Variants in TBC1D22A observed in about 807,000 individuals in gnomAD.
TBC1D22A encodes putative GTPase activator.
Under a neutral mutation model 60.2 loss-of-function variants are expected in TBC1D22A, and 38 were observed. The observed-to-expected ratio is 0.63, with a 90% CI of 0.49 to 0.83. The LOEUF (loss-of-function observed/expected upper bound fraction) is 0.83, where lower values mean the gene tolerates loss of function less well. Among genes scored for constraint, TBC1D22A ranks in the 40% least tolerant of loss-of-function variants. TBC1D22A has a pLI of 0.00. For synonymous variants in TBC1D22A, 302 were observed against 281.7 expected, an observed-to-expected ratio of 1.07 and a Z score of -0.72; for missense variants, 628 against 701.0, an observed-to-expected ratio of 0.90 and a Z score of 1.18.
intron 12 of TBC1D22A, among the ~76,000 whole-genome samples, chr22:47,148,485 C>T (rs1309974918): frequency 6.6e-6 from 1 of 152,026 alleles, no homozygotes; most frequent in Non-Finnish European, 1.5e-5. Flanking sequence ...CACTCGGAAT[C>T]GCTTGAGACC....
At chr22:46,786,605 T>A (rs940356113) in intron 1 of TBC1D22A, among the ~76,000 whole-genome samples, 1 of 152,258 alleles carries the variant, frequency 6.6e-6, no homozygotes, top group Non-Finnish European at 1.5e-5. Flanking sequence ...CTTTATCTAT[T>A]TGGTAGAATT....
intron 4 of TBC1D22A, among the ~76,000 whole-genome samples, chr22:46,832,304 A>C (rs1285361678): frequency 6.6e-6 from 1 of 152,124 alleles, no homozygotes; most frequent in African/African-American, 2.4e-5. Context: ...GCCCTTCTTA[A>C]TTGTGTCCCA....
chr22:46,820,142 G>T (rs1013881899), intron 4 of TBC1D22A, among the ~76,000 whole-genome samples: 24 of 151,700 alleles, frequency 1.6e-4, no homozygotes, highest in African/African-American at 5.3e-4. Context: ...TTCTTTATTA[G>T]TCCAGCTAGC....
At chr22:46,806,362 C>T (rs557470666) in intron 4 of TBC1D22A, among the ~76,000 whole-genome samples, 26 of 142,762 alleles carry the variant, frequency 1.8e-4, no homozygotes, top group South Asian at 2.2e-4. Flanking sequence ...TTTTTTTGCC[C>T]GGAAATGGAG....
At chr22:46,939,644 T>C (rs1302957431) in intron 8 of TBC1D22A, among the ~76,000 whole-genome samples, 1 of 152,190 alleles carries the variant, frequency 6.6e-6, no homozygotes, top group Non-Finnish European at 1.5e-5. Flanking sequence ...AGGAAAATCT[T>C]CTCCCATTTT....
intron 8 of TBC1D22A, among the ~76,000 whole-genome samples, chr22:46,923,598 T>G (rs957769866): frequency 6.6e-6 from 1 of 152,256 alleles, no homozygotes; most frequent in Admixed American, 6.5e-5. Flanking sequence ...TGAGCCAGGG[T>G]GCGGGGCACT....
At chr22:46,977,905 G>A (rs992185558) in intron 9 of TBC1D22A, among the ~76,000 whole-genome samples, 2 of 152,212 alleles carry the variant, frequency 1.3e-5, no homozygotes, top group Admixed American at 6.5e-5. Flanking sequence ...GCCAGGCCAC[G>A]CCTCCAGCAC....
intron 8 of TBC1D22A, among the ~76,000 whole-genome samples, chr22:46,950,916 T>G (rs976448479): frequency 1.3e-5 from 2 of 152,202 alleles, no homozygotes; most frequent in Non-Finnish European, 2.9e-5. Context: ...GAGAAGTTCC[T>G]TATAAATAAT....
At chr22:46,956,570 G>A (rs1255801012) in intron 8 of TBC1D22A, among the ~76,000 whole-genome samples, 8 of 152,190 alleles carry the variant, frequency 5.3e-5, no homozygotes, top group African/African-American at 1.9e-4. Flanking sequence ...TCCTTTTCAG[G>A]GGTCAACCTG....
chr22:47,168,134 C>A (rs971442488), intron 12 of TBC1D22A, among the ~76,000 whole-genome samples: 2 of 152,198 alleles, frequency 1.3e-5, no homozygotes, highest in African/African-American at 2.4e-5. Flanking sequence ...CGTTCACTGC[C>A]CAGCAAAGTG....
chr22:46,914,699 G>C (rs928885697), intron 8 of TBC1D22A: 2 of 152,922 alleles, frequency 1.3e-5, no homozygotes, highest in Non-Finnish European at 2.9e-5. Context: ...GCGGTGGGGA[G>C]ATGACTTCGG....
intron 8 of TBC1D22A, among the ~76,000 whole-genome samples, chr22:46,956,875 A>T (rs1240991569): frequency 1.3e-5 from 2 of 152,186 alleles, no homozygotes; most frequent in Non-Finnish European, 2.9e-5. Flanking sequence ...CGGGATTTAC[A>T]TGTTTTTTGT....
chr22:46,921,365 T>C (rs2070748053), intron 8 of TBC1D22A, among the ~76,000 whole-genome samples: 1 of 152,216 alleles, frequency 6.6e-6, no homozygotes, highest in South Asian at 2.1e-4. Flanking sequence ...CTGTATTGGT[T>C]CTTTTAGGAT....
chr22:46,997,291 A>G (rs899161309), intron 9 of TBC1D22A, among the ~76,000 whole-genome samples: 3 of 152,244 alleles, frequency 2.0e-5, no homozygotes, highest in Non-Finnish European at 4.4e-5. Flanking sequence ...GTCAGTTCCC[A>G]CAGACGGTTC....
intron 8 of TBC1D22A, among the ~76,000 whole-genome samples, chr22:46,970,487 CAT>C (rs1361610087): frequency 2.6e-5 from 4 of 152,140 alleles, no homozygotes; most frequent in African/African-American, 7.2e-5. Flanking sequence ...TGGAGTGACA[CAT>C]GTTTTGGGAG....
At chr22:46,846,275 G>T (rs927625024) in intron 4 of TBC1D22A, among the ~76,000 whole-genome samples, 5 of 152,230 alleles carry the variant, frequency 3.3e-5, no homozygotes, top group African/African-American at 1.2e-4. Flanking sequence ...GAATGGTTTA[G>T]TGAGTTGGAT....
At chr22:46,984,286 G>A (rs1291042294) in intron 9 of TBC1D22A, among the ~76,000 whole-genome samples, 1 of 140,510 alleles carries the variant, frequency 7.1e-6, no homozygotes, top group African/African-American at 2.6e-5. Context: ...AGAATTGCTT[G>A]AACCTGGGAG....
At chr22:47,150,013 C>T (rs981946487) in intron 12 of TBC1D22A, among the ~76,000 whole-genome samples, 1 of 152,090 alleles carries the variant, frequency 6.6e-6, no homozygotes, top group African/African-American at 2.4e-5. Context: ...CGGGGCTGGG[C>T]CTGTGCACCA....
At chr22:46,901,361 T>C (rs1237296098) in intron 7 of TBC1D22A, among the ~76,000 whole-genome samples, 1 of 152,254 alleles carries the variant, frequency 6.6e-6, no homozygotes, top group Non-Finnish European at 1.5e-5. Flanking sequence ...CTGGTAATAG[T>C]GATGTGATCC....
Sources: allele counts gnomAD v4.1 joint callset (sites outside exome capture counted in the v4.1 genomes callset), GRCh38; gene constraint gnomAD v4.1.1; transcripts MANE v1.5; gene names NCBI Gene and HGNC (gene_info 2026-07-23, HGNC 2026-07-21).